ST6GALNAC3: variants seen among roughly 807,000 people sequenced by gnomAD.
ST6GALNAC3 encodes the protein ST6 N-acetylgalactosaminide alpha-2,6-sialyltransferase 3, also known as alpha-N-acetylgalactosaminide alpha-2,6-sialyltransferase 3.
A neutral mutation model predicts 32.7 loss-of-function variants in ST6GALNAC3; 25 were observed. The ratio of observed to expected loss-of-function variants is 0.76; its 90% CI spans 0.56 to 1.07. ST6GALNAC3 has a LOEUF of 1.07. Ranked by LOEUF, ST6GALNAC3 falls within the 50% of genes least tolerant of loss-of-function variation. The pLI is 0.00. For synonymous variants in ST6GALNAC3, 129 were observed against 133.1 expected (o/e 0.97, Z 0.21); for missense variants, 355 against 382.4 (o/e 0.93, Z 0.60).
chr1:76,199,799 C>T (rs1654418440), intron 1 of ST6GALNAC3, among the ~76,000 whole-genome samples: 1 of 152,196 alleles, frequency 6.6e-6, no homozygotes, highest in South Asian at 2.1e-4. Flanking sequence ...ACATTTCCCA[C>T]ATGATGTGGA....
At chr1:76,494,902 G>C (rs991169810) in intron 3 of ST6GALNAC3, among the ~76,000 whole-genome samples, 2 of 152,068 alleles carry the variant, frequency 1.3e-5, no homozygotes, top group African/African-American at 2.4e-5. Flanking sequence ...AGGCTGGCAG[G>C]CTTGAGACTC....
At chr1:76,196,839 A>G (rs1289607155) in intron 1 of ST6GALNAC3, among the ~76,000 whole-genome samples, 1 of 152,146 alleles carries the variant, frequency 6.6e-6, no homozygotes, top group African/African-American at 2.4e-5. Flanking sequence ...CTAGCTACTC[A>G]ACAAGCCAAT....
At chr1:76,263,441 GC>G (rs1658357987) in intron 1 of ST6GALNAC3, among the ~76,000 whole-genome samples, 1 of 151,992 alleles carries the variant, frequency 6.6e-6, no homozygotes, top group African/African-American at 2.4e-5. Context: ...AGCTTTCTGA[GC>G]CCTTTTTGTC....
intron 2 of ST6GALNAC3, among the ~76,000 whole-genome samples, chr1:76,358,925 A>G (rs1409475012): frequency 6.6e-6 from 1 of 152,164 alleles, no homozygotes; most frequent in Non-Finnish European, 1.5e-5. Context: ...ATCAATCATC[A>G]TTCCCTTGAA....
At chr1:76,081,531 G>A (rs1038822373) in intron 1 of ST6GALNAC3, among the ~76,000 whole-genome samples, 2 of 152,142 alleles carry the variant, frequency 1.3e-5, no homozygotes, top group Admixed American at 1.3e-4. Context: ...GCCTGATGGG[G>A]ACCACTTTTA....
At chr1:76,478,803 C>A (rs374975642) in intron 3 of ST6GALNAC3, among the ~76,000 whole-genome samples, 1 of 132,060 alleles carries the variant, frequency 7.6e-6, no homozygotes, top group African/African-American at 2.9e-5. Context: ...CACTCTGTCT[C>A]CCAGGCTGGA....
chr1:76,219,003 A>G (rs1019285420), intron 1 of ST6GALNAC3, among the ~76,000 whole-genome samples: 2 of 152,234 alleles, frequency 1.3e-5, no homozygotes. Context: ...TTTATGGCTA[A>G]GGAAACTGCC....
At chr1:76,414,495 T>C (rs147695332) in intron 3 of ST6GALNAC3, among the ~76,000 whole-genome samples, 14 of 152,210 alleles carry the variant, frequency 9.2e-5, no homozygotes, top group African/African-American at 3.1e-4. Flanking sequence ...ACCCCATCTA[T>C]GTTAAAGACT....
chr1:76,529,684 G>A (rs186513745), intron 3 of ST6GALNAC3, among the ~76,000 whole-genome samples: 3 of 152,228 alleles, frequency 2.0e-5, no homozygotes, highest in Non-Finnish European at 1.5e-5. Context: ...CGTTTTTAGT[G>A]CCTCAAGGAA....
In ST6GALNAC3 at chr1:76,228,136, T is replaced by C. The variant is rs371678548; in HGVS notation, c.19-85669T>C. ...AAAATACGTCTGCTCTAGACTAGGA[T>C]AAATTTTCCTATTGAAATATGAAAT... On this transcript the variant is annotated intron_variant, in intron 1 of 4. Transcript: ENST00000328299. 6.6e-4 allele frequency among the ~76,000 whole-genome samples: 100 copies of C among 152,302 alleles called. No individual in the cohort carries two copies. The South Asian group carries it at 0.02, about 31-fold the overall frequency.
intron 1 of ST6GALNAC3, among the ~76,000 whole-genome samples, chr1:76,082,453 T>C (rs751261965): frequency 1.4e-4 from 21 of 152,106 alleles, no homozygotes; most frequent in Admixed American, 9.8e-4. Flanking sequence ...AACCCCAAAT[T>C]TGTTAATTTC....
chr1:76,409,811 T>C (rs922463359), intron 2 of ST6GALNAC3, among the ~76,000 whole-genome samples: 1 of 152,134 alleles, frequency 6.6e-6, no homozygotes, highest in Non-Finnish European at 1.5e-5. Context: ...GATGAGAATA[T>C]GGAGAATTTT....
chr1:76,425,266 A>G (rs1655292486), intron 3 of ST6GALNAC3, among the ~76,000 whole-genome samples: 1 of 151,908 alleles, frequency 6.6e-6, no homozygotes, highest in South Asian at 2.1e-4. Context: ...GCCTATGCAA[A>G]TAGGGGCTTT....
intron 3 of ST6GALNAC3, among the ~76,000 whole-genome samples, chr1:76,413,485 A>T (rs1654408832): frequency 6.6e-6 from 1 of 152,092 alleles, no homozygotes; most frequent in Non-Finnish European, 1.5e-5. Flanking sequence ...AACTATATTG[A>T]GCTATGTGCT....
chr1:76,478,142 T>C (rs1659474454), intron 3 of ST6GALNAC3, among the ~76,000 whole-genome samples: 1 of 152,134 alleles, frequency 6.6e-6, no homozygotes, highest in South Asian at 2.1e-4. Flanking sequence ...TGCACAGTCC[T>C]GTGTGTTGCA....
chr1:76,449,456 A>G (rs1657228917), intron 3 of ST6GALNAC3, among the ~76,000 whole-genome samples: 1 of 152,202 alleles, frequency 6.6e-6, no homozygotes, highest in Admixed American at 6.5e-5. Context: ...ACAATTGTGG[A>G]AGCATGGGTA....
intron 2 of ST6GALNAC3, among the ~76,000 whole-genome samples, chr1:76,354,873 T>C (rs1649312807): frequency 6.6e-6 from 1 of 152,154 alleles, no homozygotes; most frequent in South Asian, 2.1e-4. Context: ...TAAAACAAAG[T>C]AAAGCAAAAT....
chr1:76,166,346 T>C (rs1404580307), intron 1 of ST6GALNAC3, among the ~76,000 whole-genome samples: 1 of 152,044 alleles, frequency 6.6e-6, no homozygotes, highest in African/African-American at 2.4e-5. Flanking sequence ...CTCCAGTCTT[T>C]TTGATTGGTC....
At chr1:76,232,479 A>G (rs549979724) in intron 1 of ST6GALNAC3, among the ~76,000 whole-genome samples, 16 of 152,256 alleles carry the variant, frequency 1.1e-4, no homozygotes, top group African/African-American at 3.9e-4. Context: ...TCTGGATTCC[A>G]CTCAGGTGGG....
Sources: allele counts gnomAD v4.1 joint callset (sites outside exome capture counted in the v4.1 genomes callset), GRCh38; gene constraint gnomAD v4.1.1; transcripts MANE v1.5; gene names NCBI Gene and HGNC (gene_info 2026-07-23, HGNC 2026-07-21).